GSE1: variants seen among roughly 807,000 people sequenced by gnomAD.
GSE1 encodes Gse1 coiled-coil protein.
A neutral mutation model predicts 112.6 loss-of-function variants in GSE1; 32 were observed. That is an observed-to-expected ratio of 0.28 (90% CI 0.21 to 0.38). The LOEUF is 0.38. Ranked by LOEUF, GSE1 falls within the 10% of genes least tolerant of loss-of-function variation. The pLI, the probability that GSE1 is intolerant of heterozygous loss-of-function variation, is 1.00. For missense variants in GSE1, 2,348 were observed against 1,699.2 expected (o/e 1.38, Z -6.71); for synonymous variants, 1,115 against 735.6 (o/e 1.52, Z -8.35).
At chr16:85,626,867 G>C (rs1598434181) in intron 1 of GSE1, among the ~76,000 whole-genome samples, 2 of 152,066 alleles carry the variant, frequency 1.3e-5, no homozygotes, top group African/African-American at 4.8e-5. Context: ...ATTTAATGGA[G>C]TAGAGAGGCC....
chr16:85,255,054 C>T (rs1010458846), intron 1 of GSE1, among the ~76,000 whole-genome samples: 3 of 152,214 alleles, frequency 2.0e-5, no homozygotes, highest in Admixed American at 1.3e-4. Context: ...CCCACCGGAT[C>T]CCGGTGCCGG....
intron 2 of GSE1, among the ~76,000 whole-genome samples, chr16:85,423,855 C>T (rs1597713256): frequency 1.3e-5 from 2 of 152,266 alleles, no homozygotes; most frequent in African/African-American, 4.8e-5. Flanking sequence ...AGGGCCCCTG[C>T]AGCCCCAGCC....
intron 1 of GSE1, among the ~76,000 whole-genome samples, chr16:85,603,444 A>G (rs7188128): frequency 0.014 from 2,142 of 152,338 alleles, 57 homozygotes; most frequent in African/African-American, 0.049. Context: ...TCTGGAAACT[A>G]CAGGCCCTGC....
In GSE1 at chr16:85,673,146, A is replaced by G. The variant is rs886249049; in HGVS notation, c.*607A>G. On this transcript the variant is annotated 3_prime_UTR_variant, in exon 16 of 16. Transcript: ENST00000253458. ...CTTTTCCCTGGAAAAGCTCTTTCTT[A>G]CCTAAAGATAAAACCAATTCACAAA... 6.6e-6 allele frequency: 1 copy of G among 152,448 alleles called. No individual in the cohort carries two copies. The highest frequency in any genetic ancestry group is 1.5e-5 in the Non-Finnish European group (1 of 68,032). 9.4% of individuals were successfully genotyped at this position (152,448 alleles called of 1,614,324 possible).
intron 1 of GSE1, among the ~76,000 whole-genome samples, chr16:85,298,846 C>G (rs531970115): frequency 6.6e-6 from 1 of 152,216 alleles, no homozygotes; most frequent in African/African-American, 2.4e-5. Context: ...TGGGCTAGAA[C>G]TTTCGGGAGT....
chr16:85,553,865 C>T (rs2045061667), upstream of GSE1, among the ~76,000 whole-genome samples: 1 of 152,188 alleles, frequency 6.6e-6, no homozygotes, highest in East Asian at 1.9e-4. Flanking sequence ...TCATTTGAAG[C>T]CGCTGCATTT....
At chr16:85,223,603 G>GT (rs977042109) in intron 1 of GSE1, among the ~76,000 whole-genome samples, 2 of 151,748 alleles carry the variant, frequency 1.3e-5, no homozygotes, top group Non-Finnish European at 2.9e-5. Flanking sequence ...TTTATTTTTT[G>GT]TTTTTTAAAT....
chr16:85,320,416 A>T (rs919827805), intron 1 of GSE1, among the ~76,000 whole-genome samples: 3 of 151,422 alleles, frequency 2.0e-5, no homozygotes, highest in Non-Finnish European at 4.4e-5. Flanking sequence ...ACCAGGACAG[A>T]CAGGGCCGCC....
At chr16:85,656,955 C>G (rs535746087) in intron 7 of GSE1, among the ~76,000 whole-genome samples, 2 of 152,194 alleles carry the variant, frequency 1.3e-5, no homozygotes, top group Non-Finnish European at 2.9e-5. Context: ...GTTTACGAAA[C>G]AATTGTCCAG....
At chr16:85,525,777 C>T (rs778701035) in intron 2 of GSE1, among the ~76,000 whole-genome samples, 23 of 152,200 alleles carry the variant, frequency 1.5e-4, no homozygotes, top group Non-Finnish European at 2.5e-4. Context: ...AGCTGTTTAA[C>T]CTCGCTGGGC....
upstream of GSE1, among the ~76,000 whole-genome samples, chr16:85,551,213 C>T (rs1407085998): frequency 2.6e-5 from 4 of 152,228 alleles, no homozygotes; most frequent in African/African-American, 9.6e-5. Context: ...CACCACCAGG[C>T]TTTTCCGGAG....
intron 1 of GSE1, among the ~76,000 whole-genome samples, chr16:85,564,510 C>T (rs897409558): frequency 6.6e-6 from 1 of 152,170 alleles, no homozygotes; most frequent in Non-Finnish European, 1.5e-5. Context: ...GGGGTGAAGG[C>T]TGTGTCCAAG....
rs369607878 is a variant in GSE1 at position 85,537,081 on chromosome 16, G to A, written c.2465-96833G>A. Among the ~76,000 whole-genome samples, 167 of 152,346 alleles carry A rather than the reference G, an allele frequency of 1.1e-3. 1 individual carries two copies. The highest frequency in any genetic ancestry group is 1.9e-3 in the Non-Finnish European group (131 of 68,030). On this transcript the variant is annotated intron_variant, in intron 2 of 2. Transcript: ENST00000637419. Reference sequence around the variant, plus strand: ...CGCCCAGGAAGGCTCCAGTGAAGCCGAGATGCAGAAGCGAGACAGGAGGGA... The same window carrying A: ...CGCCCAGGAAGGCTCCAGTGAAGCCAAGATGCAGAAGCGAGACAGGAGGGA...
At chr16:85,672,264 G>C (rs777222426) in intron 15 of GSE1, 141 bp from the exon 16 acceptor site, 3 of 651,318 alleles carry the variant, frequency 4.6e-6, no homozygotes, top group South Asian at 1.8e-5. Flanking sequence ...AAAAGTGCTG[G>C]GATTACAGGC....
intron 14 of GSE1, among the ~76,000 whole-genome samples, chr16:85,668,908 C>T (rs1424949752): frequency 1.3e-5 from 2 of 152,240 alleles, no homozygotes; most frequent in African/African-American, 4.8e-5. Context: ...AAGCACTTTG[C>T]CTAAAAAGAC....
chr16:85,256,890 A>G (rs1046654642), intron 1 of GSE1, among the ~76,000 whole-genome samples: 2 of 152,194 alleles, frequency 1.3e-5, no homozygotes, highest in Admixed American at 1.3e-4. Flanking sequence ...AGCTGCACTC[A>G]CTGAATTTCA....
At chr16:85,330,308 G>A (rs2046310992) in intron 1 of GSE1, among the ~76,000 whole-genome samples, 1 of 152,228 alleles carries the variant, frequency 6.6e-6, no homozygotes, top group Non-Finnish European at 1.5e-5. Flanking sequence ...GACAGACCGA[G>A]GAGCTGGAGT....
chr16:85,487,428 G>T (rs2050876546), intron 2 of GSE1, among the ~76,000 whole-genome samples: 1 of 152,208 alleles, frequency 6.6e-6, no homozygotes, highest in Non-Finnish European at 1.5e-5. Flanking sequence ...ACCCTCGCAT[G>T]GTCTACGTTC....
chr16:85,517,250 C>T (rs965870931), intron 2 of GSE1, among the ~76,000 whole-genome samples: 4 of 151,878 alleles, frequency 2.6e-5, no homozygotes, highest in East Asian at 1.9e-4. Flanking sequence ...CTGTGGGAGG[C>T]GGGAGGAGAT....
Sources: gnomAD v4.1 joint callset for allele counts (sites outside exome capture counted in the v4.1 genomes callset) on GRCh38, gnomAD v4.1.1 for gene constraint, MANE v1.5 for transcripts, NCBI Gene and HGNC (gene_info 2026-07-23, HGNC 2026-07-21) for gene names.